SVOP: variants seen among roughly 807,000 people sequenced by gnomAD.
The protein encoded by SVOP is synaptic vesicle 2-related protein.
Under a neutral mutation model 69.1 loss-of-function variants are expected in SVOP, and 17 were observed. That is an observed-to-expected ratio of 0.25 (90% CI 0.17 to 0.37). The LOEUF (loss-of-function observed/expected upper bound fraction) is 0.37, where lower values mean the gene tolerates loss of function less well. Among genes scored for constraint, SVOP ranks in the 10% least tolerant of loss-of-function variants. The probability of loss-of-function intolerance (pLI) is 1.00; values close to 1 mark genes in which losing one functional copy is unlikely to be tolerated. For synonymous variants in SVOP, 238 were observed against 238.6 expected (o/e 1.00, Z 0.02); for missense variants, 435 against 597.5 (o/e 0.73, Z 2.84).
At chr12:108,996,394 C>T (rs1357056442) in intron 1 of SVOP, among the ~76,000 whole-genome samples, 1 of 151,782 alleles carries the variant, frequency 6.6e-6, no homozygotes, top group Non-Finnish European at 1.5e-5. Context: ...CTCGTCTTTA[C>T]TAAAAATACA....
chr12:108,914,296 C>CGCTGTGAA (rs2039701250), intron 15 of SVOP, among the ~76,000 whole-genome samples: 1 of 152,124 alleles, frequency 6.6e-6, no homozygotes, highest in Non-Finnish European at 1.5e-5. Flanking sequence ...GGTTGCCCAA[C>CGCTGTGAA]GCTGTGAATG....
chr12:108,997,902 G>A (rs1169652404), intron 1 of SVOP, among the ~76,000 whole-genome samples: 8 of 148,650 alleles, frequency 5.4e-5, no homozygotes, highest in East Asian at 2.0e-4. Context: ...AACGCAGAGC[G>A]CCTCTCCTCC....
intron 10 of SVOP, among the ~76,000 whole-genome samples, chr12:108,936,486 T>C (rs2039856874): frequency 6.7e-6 from 1 of 150,292 alleles, no homozygotes; most frequent in Admixed American, 6.6e-5. Flanking sequence ...CCCATCTCTT[T>C]TTGTTTTGAG....
intron 8 of SVOP, among the ~76,000 whole-genome samples, chr12:108,939,273 G>A (rs1281497505): frequency 6.6e-6 from 1 of 152,170 alleles, no homozygotes; most frequent in Non-Finnish European, 1.5e-5. Flanking sequence ...GGTTAATGCA[G>A]TTATTATTAT....
chr12:108,961,694 A>G (rs578258501), intron 5 of SVOP, among the ~76,000 whole-genome samples: 73 of 152,358 alleles, frequency 4.8e-4, no homozygotes, highest in African/African-American at 1.7e-3. Flanking sequence ...AAGAAAAACC[A>G]TCAACAATAT....
chr12:108,967,869 C>T (rs147407967), intron 5 of SVOP, among the ~76,000 whole-genome samples: 128,202 of 152,184 alleles, frequency 0.84, 54,237 homozygotes, highest in East Asian at 1. Flanking sequence ...ATGGTTACAA[C>T]CTTCAAGATT....
intron 1 of SVOP, among the ~76,000 whole-genome samples, chr12:108,992,917 A>C (rs561953036): frequency 1.3e-5 from 2 of 152,218 alleles, no homozygotes; most frequent in Non-Finnish European, 2.9e-5. Context: ...AGAGCCAGAC[A>C]TGGTGGGGGG....
chr12:108,921,245 G>A (rs1326621604), intron 12 of SVOP, among the ~76,000 whole-genome samples: 1 of 152,132 alleles, frequency 6.6e-6, no homozygotes, highest in Admixed American at 6.5e-5. Flanking sequence ...AGCTGTGTGG[G>A]GAAAGGGTTT....
In SVOP at chr12:108,965,710, G is replaced by A. The variant is rs187127775; in HGVS notation, c.454-4663C>T. On this transcript the variant is annotated intron_variant, in intron 5 of 15. Coordinates refer to ENST00000610966, the MANE Select transcript of SVOP (RefSeq NM_018711.5). ...TTGTAGCCTAGAAAGCCTGGTGCTC[G>A]TGGGCCAAATGTGGCCTGTGGTATT... Among the ~76,000 whole-genome samples the A allele has an allele frequency of 5.9e-5, 9 of 152,240 alleles. No individual in the cohort carries two copies. The East Asian group carries it at 9.7e-4, about 16-fold the overall frequency.
chr12:108,988,971 C>T (rs962064545), intron 1 of SVOP, among the ~76,000 whole-genome samples: 5 of 151,970 alleles, frequency 3.3e-5, no homozygotes, highest in Admixed American at 3.3e-4. Flanking sequence ...CGGGGTTTCA[C>T]CATATTGGCC....
chr12:109,007,662 T>G (rs2040316323), intron 1 of SVOP, among the ~76,000 whole-genome samples: 1 of 152,210 alleles, frequency 6.6e-6, no homozygotes, highest in African/African-American at 2.4e-5. Flanking sequence ...TATGCATCAC[T>G]TCAGCATGCC....
At chr12:108,982,591 TATC>T (rs1372986582) in intron 2 of SVOP, among the ~76,000 whole-genome samples, 1 of 148,846 alleles carries the variant, frequency 6.7e-6, no homozygotes, top group East Asian at 2.0e-4. Context: ...TCATCATCAC[TATC>T]ATCACCACTG....
chr12:108,994,670 GGCTAAGCCAC>G (rs372717674), intron 1 of SVOP, among the ~76,000 whole-genome samples: 1 of 152,306 alleles, frequency 6.6e-6, no homozygotes, highest in African/African-American at 2.4e-5. Flanking sequence ...CACAGTAAGT[GGCTAAGCCAC>G]GCTTTGGCAA....
At chr12:109,010,558 G>T (rs140813781) in intron 1 of SVOP, among the ~76,000 whole-genome samples, 9 of 152,288 alleles carry the variant, frequency 5.9e-5, no homozygotes, top group Non-Finnish European at 1.2e-4. Flanking sequence ...TTGTCACCCA[G>T]GCTGGAGTGC....
rs185256522 is a variant in SVOP, at chr12:108,946,294, C to A, written c.579-1128G>T. On this transcript the variant is annotated intron_variant, in intron 6 of 15. Coordinates refer to ENST00000610966, the MANE Select transcript of SVOP (RefSeq NM_018711.5). ...TTTTTTTTAATTGTGGAGATGAGGTCTCACTATGTTGTTCATGCTGGTCTC... is the reference window on the plus strand; with the variant it reads ...TTTTTTTTAATTGTGGAGATGAGGTATCACTATGTTGTTCATGCTGGTCTC... Among the ~76,000 whole-genome samples the A allele has an allele frequency of 2.4e-3, 368 of 151,508 alleles. 1 individual carries two copies. Among genetic ancestry groups the A allele is most frequent in the Non-Finnish European group, 3.3e-3 (227 of 67,826 alleles).
At chr12:108,916,034 G>T (rs1296008485) in intron 14 of SVOP, among the ~76,000 whole-genome samples, 162 bp from the exon 15 acceptor site, 2 of 152,192 alleles carry the variant, frequency 1.3e-5, no homozygotes, top group Non-Finnish European at 2.9e-5. Flanking sequence ...ACCCCAAAGG[G>T]CATGGGAGGC....
intron 2 of SVOP, among the ~76,000 whole-genome samples, chr12:108,978,954 A>G (rs577542055): frequency 1.2e-4 from 19 of 152,232 alleles, no homozygotes; most frequent in Non-Finnish European, 2.6e-4. Flanking sequence ...ATGAAATATG[A>G]CCCAACAGTT....
At chr12:109,003,501 T>C (rs1230613688) in intron 1 of SVOP, among the ~76,000 whole-genome samples, 2 of 152,334 alleles carry the variant, frequency 1.3e-5, no homozygotes, top group East Asian at 3.9e-4. Context: ...TGAGGAAATA[T>C]GAGCTTCCTG....
intron 14 of SVOP, among the ~76,000 whole-genome samples, chr12:108,916,115 G>A (rs544286660): frequency 6.6e-6 from 1 of 152,178 alleles, no homozygotes; most frequent in Non-Finnish European, 1.5e-5. Context: ...TCTGTCCTGG[G>A]GGGGGCTCCC....
Sources: allele counts gnomAD v4.1 joint callset (sites outside exome capture counted in the v4.1 genomes callset), GRCh38; gene constraint gnomAD v4.1.1; transcripts MANE v1.5; gene names NCBI Gene and HGNC (gene_info 2026-07-23, HGNC 2026-07-21).